DCDC2C: variants seen among roughly 807,000 people sequenced by gnomAD.
DCDC2C encodes the protein doublecortin domain-containing protein 2C.
In DCDC2C, 44 loss-of-function variants were observed where a neutral mutation model predicts 45.0. The ratio of observed to expected loss-of-function variants is 0.98; its 90% CI spans 0.77 to 1.26. DCDC2C has a LOEUF of 1.26. Ranked by LOEUF, DCDC2C falls within the 50% of genes most tolerant of loss-of-function variation. The pLI, the probability that DCDC2C is intolerant of heterozygous loss-of-function variation, is 0.00. For synonymous variants in DCDC2C, 187 were observed against 178.8 expected, an observed-to-expected ratio of 1.05 and a Z score of -0.37; for missense variants, 447 against 468.9, an observed-to-expected ratio of 0.95 and a Z score of 0.43.
intron 8 of DCDC2C, among the ~76,000 whole-genome samples, chr2:3,776,369 CTTT>C (rs1670336896): frequency 6.6e-6 from 1 of 152,168 alleles, no homozygotes; most frequent in Non-Finnish European, 1.5e-5. Context: ...CTCCCCTCTT[CTTT>C]ATCTCTTCAG....
chr2:3,746,719 A>G (rs1359425861), intron 4 of DCDC2C, among the ~76,000 whole-genome samples: 2 of 152,190 alleles, frequency 1.3e-5, no homozygotes, highest in Non-Finnish European at 2.9e-5. Context: ...TTGCTGGGAG[A>G]TGGATCCCCT....
intron 10 of DCDC2C, among the ~76,000 whole-genome samples, chr2:3,846,072 C>T (rs140134159): frequency 4.6e-5 from 7 of 152,054 alleles, no homozygotes; most frequent in Middle Eastern, 3.2e-3. Context: ...GGAGCAGGGA[C>T]GGGACTGGAA....
chr2:3,785,200 T>C, intron 10 of DCDC2C, 100 bp downstream of exon 10: 1 of 929,618 alleles, frequency 1.1e-6, no homozygotes, highest in East Asian at 3.3e-5. Context: ...AGGTGCTTTT[T>C]AGGAATGTAA....
At chr2:3,826,626 C>T (rs1005768564) in intron 10 of DCDC2C, among the ~76,000 whole-genome samples, 16 of 152,066 alleles carry the variant, frequency 1.1e-4, no homozygotes, top group South Asian at 2.1e-4. Context: ...CTGGCACTCG[C>T]TGACAGGCTG....
chr2:3,825,841 A>G (rs992728814), intron 10 of DCDC2C, among the ~76,000 whole-genome samples: 1 of 152,174 alleles, frequency 6.6e-6, no homozygotes, highest in Non-Finnish European at 1.5e-5. Flanking sequence ...GTCTTGGCAA[A>G]TCATCGTTGA....
intron 2 of DCDC2C, among the ~76,000 whole-genome samples, chr2:3,715,075 T>C (rs1054675029): frequency 6.6e-6 from 1 of 152,268 alleles, no homozygotes; most frequent in African/African-American, 2.4e-5. Context: ...TACATGTATA[T>C]ACTCCTAGCT....
intron 2 of DCDC2C, among the ~76,000 whole-genome samples, chr2:3,714,811 A>G (rs971521483): frequency 1.3e-5 from 2 of 152,216 alleles, no homozygotes; most frequent in African/African-American, 2.4e-5. Context: ...GGCTGAACCA[A>G]TACTCACTTC....
chr2:3,760,953 GTTCAC>G (rs1461905656), intron 6 of DCDC2C, among the ~76,000 whole-genome samples: 2 of 152,206 alleles, frequency 1.3e-5, no homozygotes, highest in South Asian at 4.1e-4. Context: ...TATTCTATTG[GTTCAC>G]TTCACTTATT....
intron 10 of DCDC2C, among the ~76,000 whole-genome samples, chr2:3,792,741 C>T (rs1183253294): frequency 1.3e-5 from 2 of 152,160 alleles, no homozygotes; most frequent in Non-Finnish European, 2.9e-5. Context: ...GAATTTATTA[C>T]TTGGTTACCC....
At chr2:3,713,078 T>C (rs537173782) in intron 2 of DCDC2C, among the ~76,000 whole-genome samples, 1 of 152,310 alleles carries the variant, frequency 6.6e-6, no homozygotes, top group African/African-American at 2.4e-5. Flanking sequence ...GCAGTAGAGC[T>C]TGGACTAAAA....
intron 10 of DCDC2C, among the ~76,000 whole-genome samples, chr2:3,806,118 G>A (rs913901807): frequency 1.3e-5 from 2 of 152,202 alleles, no homozygotes; most frequent in Non-Finnish European, 2.9e-5. Context: ...TTACAAGTGT[G>A]AGCCACCATG....
At chr2:3,766,299 T>TAC (rs897527975) in intron 6 of DCDC2C, among the ~76,000 whole-genome samples, 4 of 146,600 alleles carry the variant, frequency 2.7e-5, no homozygotes, top group African/African-American at 7.6e-5. Context: ...TACATACACA[T>TAC]ACACACACAC....
chr2:3,753,308 C>T (rs1219226054), intron 5 of DCDC2C, among the ~76,000 whole-genome samples: 1 of 152,184 alleles, frequency 6.6e-6, no homozygotes, highest in East Asian at 1.9e-4. Context: ...GTCAGTCTCT[C>T]CTGGTGAAAA....
At chr2:3,809,848 G>A (rs534627883) in intron 10 of DCDC2C, among the ~76,000 whole-genome samples, 1 of 152,118 alleles carries the variant, frequency 6.6e-6, no homozygotes, top group Non-Finnish European at 1.5e-5. Context: ...GTGGTGTTTT[G>A]TTTTCTGTTC....
chr2:3,715,377 C>A (rs1668322361), intron 2 of DCDC2C, among the ~76,000 whole-genome samples: 1 of 152,116 alleles, frequency 6.6e-6, no homozygotes. Flanking sequence ...GTTTCCCACA[C>A]CTCCCAAACA....
At chr2:3,756,076 ATGTGTG>A (rs557602828) in intron 6 of DCDC2C, among the ~76,000 whole-genome samples, 3 of 149,902 alleles carry the variant, frequency 2.0e-5, no homozygotes, top group South Asian at 4.2e-4. Context: ...ATGGATGCAT[ATGTGTG>A]TGTGTGTGTG....
intron 10 of DCDC2C, among the ~76,000 whole-genome samples, chr2:3,843,810 T>C (rs1672268675): frequency 6.6e-6 from 1 of 152,182 alleles, no homozygotes; most frequent in Non-Finnish European, 1.5e-5. Context: ...GTCTGTGTAA[T>C]TAGCATTTGG....
chr2:3,703,712 C>T lies in DCDC2C; in HGVS notation c.-40C>T, dbSNP rs1399077000. On this transcript the variant is annotated 5_prime_UTR_variant, in exon 1 of 11. Coordinates refer to ENST00000399143, the MANE Select transcript of DCDC2C (RefSeq NM_001287444.2). This position sits in a 1 kb window ranked among gnomAD's most constrained non-coding sequence, Gnocchi z 4.4. Reference sequence around the variant, plus strand: ...GCAGGCGTCGCTGCCCGCGCTGCCGCAGCCTCTCGGCCCCGGCGAGCGAGG... The same window carrying T: ...GCAGGCGTCGCTGCCCGCGCTGCCGTAGCCTCTCGGCCCCGGCGAGCGAGG... The T allele has an allele frequency of 4.1e-6, 5 of 1,225,986 alleles. No homozygotes were observed. The highest frequency in any genetic ancestry group is 6.3e-4 in the Middle Eastern group (2 of 3,200). The allele number at this position is 1,225,986 out of a possible 1,614,324, so 75.9% of individuals were successfully genotyped here.
intron 4 of DCDC2C, among the ~76,000 whole-genome samples, chr2:3,747,681 A>T (rs769560512): frequency 1.3e-5 from 2 of 152,230 alleles, no homozygotes; most frequent in Admixed American, 6.5e-5. Context: ...CTTTGGCTTC[A>T]TAACATACAG....
Sources: allele counts gnomAD v4.1 joint callset (sites outside exome capture counted in the v4.1 genomes callset), GRCh38; gene constraint gnomAD v4.1.1; non-coding constraint Gnocchi (gnomAD v3.1); transcripts MANE v1.5; gene names NCBI Gene and HGNC (gene_info 2026-07-23, HGNC 2026-07-21).